RPS4Y1: variants seen among roughly 807,000 people sequenced by gnomAD.
RPS4Y1 encodes the protein ribosomal protein S4 Y-linked 1, also known as small ribosomal subunit protein eS4, Y isoform 1.
For missense variants in RPS4Y1, 30 were observed against 60.9 expected, an observed-to-expected ratio of 0.49 and a Z score of 1.69; for synonymous variants, 23 against 20.8, an observed-to-expected ratio of 1.10 and a Z score of -0.28.
At chrY:2,866,095 G>A in intron 6 of RPS4Y1, among the ~76,000 whole-genome samples, 1 of 33,383 alleles carries the variant, frequency 3.0e-5, no homozygotes, top group Non-Finnish European at 7.4e-5. Flanking sequence ...GTGTTAGCCA[G>A]GATGGTTTCG....
At chrY:2,854,213 TGC>T (rs2051158163) in intron 4 of RPS4Y1, 1 of 50,927 alleles carries the variant, frequency 2.0e-5, no homozygotes, top group Non-Finnish European at 4.3e-5. Flanking sequence ...GCTCCAGAGT[TGC>T]CCATTGAGGA....
chrY:2,866,862 A>G lies in RPS4Y1; in HGVS notation c.760A>G (p.Lys254Glu). ...ACTTACTGTTGCTGAAGAGAGAGATAAGAGGCTGGCCACCAAACAGAGCAG... is the reference window on the plus strand; with the variant it reads ...ACTTACTGTTGCTGAAGAGAGAGATGAGAGGCTGGCCACCAAACAGAGCAG... ...IRLTVAEERDKRLATKQSSG is the reference protein window; with the variant it reads ...IRLTVAEERDERLATKQSSG The change falls in exon 7 of 7, where the codon AAG (lysine) becomes GAG (glutamate). Residue 254 changes from lysine to glutamate, a missense_variant. Physicochemically the swap from Lys to Glu is moderately conservative, Grantham distance 56. Transcript: ENST00000250784. 2 of 397,030 alleles carry G rather than the reference A, an allele frequency of 5.0e-6. No individual in the cohort carries two copies. Among genetic ancestry groups the G allele is most frequent in the Non-Finnish European group, 7.1e-6 (2 of 281,602 alleles).
chrY:2,855,963 T>G, intron 5 of RPS4Y1, among the ~76,000 whole-genome samples: 1 of 33,730 alleles, frequency 3.0e-5, no homozygotes, highest in African/African-American at 1.2e-4. Flanking sequence ...TGAGAATATT[T>G]CAGGTTCTAA....
intron 4 of RPS4Y1, among the ~76,000 whole-genome samples, chrY:2,846,938 C>A: frequency 3.0e-5 from 1 of 33,607 alleles, no homozygotes; most frequent in Non-Finnish European, 7.4e-5. Flanking sequence ...GATTGGCCAG[C>A]CAGGGTGTAA....
intron 5 of RPS4Y1, 84 bp from the exon 6 acceptor site, chrY:2,865,004 C>T: frequency 7.9e-6 from 2 of 252,192 alleles, no homozygotes; most frequent in Non-Finnish European, 1.2e-5. Context: ...CTGGTGAGCC[C>T]GTGTGTGTTA....
At chrY:2,857,484 C>G (rs1006623166) in intron 5 of RPS4Y1, among the ~76,000 whole-genome samples, 1 of 33,883 alleles carries the variant, frequency 3.0e-5, no homozygotes, top group Non-Finnish European at 7.4e-5. Flanking sequence ...GACTTTATCT[C>G]CGCTCACTGC....
intron 4 of RPS4Y1, among the ~76,000 whole-genome samples, chrY:2,848,872 G>T (rs1017165997): frequency 3.7e-4 from 12 of 32,729 alleles, no homozygotes; most frequent in Non-Finnish European, 7.5e-4. Flanking sequence ...CACCTTAGTA[G>T]TGTACATTGA....
intron 3 of RPS4Y1, 23 bp from the exon 4 acceptor site, chrY:2,845,623 T>A: frequency 2.8e-6 from 1 of 358,705 alleles, no homozygotes; most frequent in Non-Finnish European, 4.0e-6. Flanking sequence ...TTAACGATGT[T>A]CCTTATACCC....
chrY:2,845,584 G>T, intron 3 of RPS4Y1, 62 bp from the exon 4 acceptor site: 1 of 272,544 alleles, frequency 3.7e-6, no homozygotes, highest in African/African-American at 7.1e-5. Context: ...TGTTCCTGCT[G>T]TGCAGGCAAA....
intron 4 of RPS4Y1, among the ~76,000 whole-genome samples, chrY:2,848,084 A>C: frequency 6.0e-5 from 2 of 33,129 alleles, no homozygotes; most frequent in African/African-American, 1.2e-4. Flanking sequence ...AACCAACCAA[A>C]CAGAGACTTG....
intron 5 of RPS4Y1, among the ~76,000 whole-genome samples, chrY:2,856,813 G>T (rs1036332375): frequency 3.0e-5 from 1 of 33,204 alleles, no homozygotes; most frequent in South Asian, 6.8e-4. Flanking sequence ...ACAGTGCTGG[G>T]ATTACAGGTG....
chrY:2,864,118 TAG>T (rs2051165394), intron 5 of RPS4Y1, among the ~76,000 whole-genome samples: 1 of 33,737 alleles, frequency 3.0e-5, no homozygotes. Flanking sequence ...ATTTTTACCT[TAG>T]AGATAATTGT....
chrY:2,857,933 A>G (rs2051161057), intron 5 of RPS4Y1, among the ~76,000 whole-genome samples: 4 of 33,927 alleles, frequency 1.2e-4, no homozygotes, highest in African/African-American at 2.3e-4. Context: ...TGGATGAGAT[A>G]GTTTTGAAAT....
At chrY:2,841,736 G>C in intron 1 of RPS4Y1, 109 bp downstream of exon 1, 1 of 261,713 alleles carries the variant, frequency 3.8e-6, no homozygotes, top group Non-Finnish European at 6.1e-6. Context: ...TTGGTGGGTG[G>C]GAATGCTGCT....
At chrY:2,847,463 G>T in intron 4 of RPS4Y1, among the ~76,000 whole-genome samples, 1 of 33,867 alleles carries the variant, frequency 3.0e-5, no homozygotes. Flanking sequence ...GTCTGTTTTT[G>T]TGGGTGATTG....
chrY:2,859,192 T>C, intron 5 of RPS4Y1, among the ~76,000 whole-genome samples: 5 of 33,909 alleles, frequency 1.5e-4, no homozygotes, highest in Admixed American at 1.3e-3. Context: ...CATATAGTTG[T>C]AACTTGACTG....
intron 4 of RPS4Y1, among the ~76,000 whole-genome samples, chrY:2,848,185 TAGAAAGAGGC>T (rs2051153955): frequency 3.0e-5 from 1 of 33,155 alleles, no homozygotes; most frequent in African/African-American, 1.2e-4. Context: ...GGACAGTGAC[TAGAAAGAGGC>T]AGAAAGAGGG....
chrY:2,843,241 G>A (rs2051150432), intron 2 of RPS4Y1, among the ~76,000 whole-genome samples: 1 of 33,410 alleles, frequency 3.0e-5, no homozygotes. Flanking sequence ...TTAAGTGGAT[G>A]AGCAAGGCAC....
intron 4 of RPS4Y1, chrY:2,854,287 C>G: frequency 1.3e-5 from 1 of 76,959 alleles, no homozygotes; most frequent in African/African-American, 1.0e-4. Flanking sequence ...TGTGTTACCA[C>G]TCAGATACAC....
Sources: gnomAD v4.1 joint callset for allele counts (sites outside exome capture counted in the v4.1 genomes callset) on GRCh38, gnomAD v4.1.1 for gene constraint, MANE v1.5 for transcripts, NCBI Gene and HGNC (gene_info 2026-07-23, HGNC 2026-07-21) for gene names.